The following TOM1L2 variants were observed in gnomAD, a reference collection of about 807,000 sequenced individuals.
The protein encoded by TOM1L2 is TOM1-like protein 2.
In TOM1L2, 31 loss-of-function variants were observed where a neutral mutation model predicts 67.9. The observed-to-expected ratio is 0.46, with a 90% CI of 0.34 to 0.62. TOM1L2 has a LOEUF of 0.62. Ranked by LOEUF, TOM1L2 falls within the 20% of genes least tolerant of loss-of-function variation. The pLI, the probability that TOM1L2 is intolerant of heterozygous loss-of-function variation, is 0.01. For missense variants in TOM1L2, 606 were observed against 663.5 expected, an observed-to-expected ratio of 0.91 and a Z score of 0.95; for synonymous variants, 256 against 254.0, an observed-to-expected ratio of 1.01 and a Z score of -0.07.
chr17:17,949,911 C>G (rs2041117834), intron 1 of TOM1L2, among the ~76,000 whole-genome samples: 1 of 152,050 alleles, frequency 6.6e-6, no homozygotes, highest in African/African-American at 2.4e-5. Context: ...TGCTCTGTCA[C>G]CCAGGCTAGA....
At chr17:17,933,764 A>G (rs1363315402) in intron 1 of TOM1L2, among the ~76,000 whole-genome samples, 2 of 152,212 alleles carry the variant, frequency 1.3e-5, no homozygotes, top group Admixed American at 6.5e-5. Flanking sequence ...CGTTTGTTAC[A>G]ACCACAACTC....
chr17:17,871,899 A>C, intron 7 of TOM1L2: 3 of 830,974 alleles, frequency 3.6e-6, no homozygotes, highest in Non-Finnish European at 2.9e-6. Flanking sequence ...ATAAGAGGTG[A>C]ATACGGGATC....
chr17:17,962,521 G>A (rs1006703021), intron 1 of TOM1L2, among the ~76,000 whole-genome samples: 1 of 151,798 alleles, frequency 6.6e-6, no homozygotes, highest in Non-Finnish European at 1.5e-5. Context: ...ACCGTGTTGC[G>A]CAGGCTGGTC....
chr17:17,969,304 C>T (rs543365584), intron 1 of TOM1L2, among the ~76,000 whole-genome samples: 1 of 152,238 alleles, frequency 6.6e-6, no homozygotes, highest in South Asian at 2.1e-4. Context: ...TGATCCACCA[C>T]CTTGGCCTCC....
Position 17,930,455 on chromosome 17 carries a change from G to A in TOM1L2, c.53-22924C>T, listed in dbSNP as rs931489075. On this transcript the variant is annotated intron_variant, in intron 1 of 14. Transcript: ENST00000379504. ...GACCCTCACGGTAGACAGACACCTG[G>A]CAGGCCCCTCCTGACACTTGGGGCT... Among the ~76,000 whole-genome samples the A allele has an allele frequency of 2.0e-5, 3 of 152,138 alleles. No homozygotes were observed. In the East Asian group the frequency reaches 5.8e-4, roughly 29 times the overall value.
chr17:17,916,074 AT>A (rs1203797922), intron 1 of TOM1L2, among the ~76,000 whole-genome samples: 405 of 135,744 alleles, frequency 3.0e-3, no homozygotes, highest in Middle Eastern at 0.011. Context: ...CCTTTTTAAG[AT>A]TTTTTTTTTT....
chr17:17,879,860 G>T, intron 6 of TOM1L2, 117 bp from the exon 7 acceptor site: 1 of 935,052 alleles, frequency 1.1e-6, no homozygotes, highest in Non-Finnish European at 1.7e-6. Context: ...GGAGATCTGG[G>T]TTGCCTTTCT....
At chr17:17,901,516 C>T (rs929173917) in intron 2 of TOM1L2, among the ~76,000 whole-genome samples, 1 of 152,212 alleles carries the variant, frequency 6.6e-6, no homozygotes, top group Admixed American at 6.5e-5. Flanking sequence ...CCAAACAAGC[C>T]TCCTGTCATC....
intron 1 of TOM1L2, among the ~76,000 whole-genome samples, chr17:17,938,034 T>C (rs2040579671): frequency 6.6e-6 from 1 of 152,140 alleles, no homozygotes; most frequent in Admixed American, 6.5e-5. Context: ...TGGCTCTGCT[T>C]TGGAGGGCTC....
chr17:17,969,623 A>T (rs1299290644), intron 1 of TOM1L2, among the ~76,000 whole-genome samples: 4 of 152,282 alleles, frequency 2.6e-5, no homozygotes, highest in East Asian at 1.9e-4. Flanking sequence ...TTAGTCAAGC[A>T]TCTTATGAGC....
chr17:17,923,053 G>A (rs778283278), intron 1 of TOM1L2, among the ~76,000 whole-genome samples: 1 of 152,188 alleles, frequency 6.6e-6, no homozygotes, highest in African/African-American at 2.4e-5. Context: ...TCCACACCAG[G>A]AGAAAGACTC....
At chr17:17,963,348 A>G (rs1312272672) in intron 1 of TOM1L2, among the ~76,000 whole-genome samples, 1 of 152,196 alleles carries the variant, frequency 6.6e-6, no homozygotes, top group Non-Finnish European at 1.5e-5. Flanking sequence ...TGGAATTCCT[A>G]TTTGAAATCA....
At chr17:17,945,716 A>T (rs944065808) in intron 1 of TOM1L2, among the ~76,000 whole-genome samples, 1 of 152,182 alleles carries the variant, frequency 6.6e-6, no homozygotes, top group Non-Finnish European at 1.5e-5. Flanking sequence ...CACCACATAA[A>T]ACTGGATCTT....
chr17:17,932,204 A>G (rs988789458), intron 1 of TOM1L2, among the ~76,000 whole-genome samples: 2 of 152,246 alleles, frequency 1.3e-5, no homozygotes, highest in Non-Finnish European at 2.9e-5. Context: ...AAATCTATGG[A>G]AAAAGCTAAT....
At chr17:17,966,260 T>A (rs1014797123) in intron 1 of TOM1L2, among the ~76,000 whole-genome samples, 2 of 152,244 alleles carry the variant, frequency 1.3e-5, no homozygotes, top group Non-Finnish European at 2.9e-5. Flanking sequence ...CTATCTGATC[T>A]AATTTAGATA....
intron 4 of TOM1L2, among the ~76,000 whole-genome samples, chr17:17,890,219 G>A (rs1252159155): frequency 6.6e-6 from 1 of 152,202 alleles, no homozygotes; most frequent in East Asian, 1.9e-4. Context: ...ATTGAAAACA[G>A]GGTGTGTGGG....
chr17:17,865,717 A>G (rs903201124), intron 10 of TOM1L2, among the ~76,000 whole-genome samples: 4 of 147,240 alleles, frequency 2.7e-5, no homozygotes, highest in African/African-American at 7.5e-5. Flanking sequence ...GGAATGTTCC[A>G]TATAAAACAT....
intron 1 of TOM1L2, among the ~76,000 whole-genome samples, chr17:17,940,671 A>G (rs1469033334): frequency 6.6e-6 from 1 of 152,242 alleles, no homozygotes; most frequent in Non-Finnish European, 1.5e-5. Flanking sequence ...AGTTCAAGGC[A>G]AATTCTTTTC....
At chr17:17,896,513 C>G (rs2038579291) in intron 3 of TOM1L2, among the ~76,000 whole-genome samples, 1 of 152,136 alleles carries the variant, frequency 6.6e-6, no homozygotes, top group Non-Finnish European at 1.5e-5. Flanking sequence ...TTGGAAGTGC[C>G]CTGGACAGAG....
Sources: gnomAD v4.1 joint callset for allele counts (sites outside exome capture counted in the v4.1 genomes callset) on GRCh38, gnomAD v4.1.1 for gene constraint, MANE v1.5 for transcripts, NCBI Gene and HGNC (gene_info 2026-07-23, HGNC 2026-07-21) for gene names.